PDE1C: variants seen among roughly 807,000 people sequenced by gnomAD.
PDE1C encodes the protein phosphodiesterase 1C.
Under a neutral mutation model 93.1 loss-of-function variants are expected in PDE1C, and 62 were observed. The observed-to-expected ratio is 0.67, with a 90% confidence interval of 0.54 to 0.82. The LOEUF (loss-of-function observed/expected upper bound fraction) is 0.82. Ranked by LOEUF, PDE1C falls within the 40% of genes least tolerant of loss-of-function variation. The pLI is 0.00. For missense variants in PDE1C, 742 were observed against 884.6 expected (o/e 0.84, Z 2.04); for synonymous variants, 325 against 310.1 (o/e 1.05, Z -0.50).
chr7:31,805,181 G>A (rs937811690), intron 16 of PDE1C, among the ~76,000 whole-genome samples: 2 of 151,648 alleles, frequency 1.3e-5, no homozygotes, highest in South Asian at 2.1e-4. Context: ...GGAACTGTGA[G>A]TCCATTAAAC....
chr7:32,126,178 T>C (rs1799566994), intron 3 of PDE1C, among the ~76,000 whole-genome samples: 1 of 151,236 alleles, frequency 6.6e-6, no homozygotes. Context: ...AACCAGTGAA[T>C]CACAGAAACC....
intron 2 of PDE1C, among the ~76,000 whole-genome samples, chr7:31,937,370 A>G (rs1437416046): frequency 1.3e-5 from 2 of 152,196 alleles, no homozygotes; most frequent in Admixed American, 6.5e-5. Context: ...TACCAGAGTC[A>G]GGTTGGAATT....
intron 16 of PDE1C, among the ~76,000 whole-genome samples, chr7:31,803,571 C>T (rs1040667276): frequency 7.9e-5 from 12 of 151,948 alleles, no homozygotes; most frequent in South Asian, 2.1e-4. Context: ...CAACAGTCCC[C>T]GGTGTGTGAT....
At chr7:32,212,945 C>T (rs1471735937) in intron 1 of PDE1C, among the ~76,000 whole-genome samples, 1 of 152,178 alleles carries the variant, frequency 6.6e-6, no homozygotes, top group East Asian at 1.9e-4. Context: ...GTCTGACAAG[C>T]TCCCAGGTGA....
rs1655401909 is a variant in PDE1C at position 31,816,132 on chromosome 7, T to C, written c.1605A>G (p.Ala535=). Residue 535 remains alanine, a synonymous_variant, in exon 15 of 18, where the codon GCA becomes GCG. Transcript: ENST00000396191. ...VPKEEKAKKE[A]EEKARLAAEE... ...CTGCGGCCAGGCGAGCCTTTTCCTCTGCTTCCTTCTTGGCCTTCTCCTCTG... is the reference window on the plus strand; with the variant it reads ...CTGCGGCCAGGCGAGCCTTTTCCTCCGCTTCCTTCTTGGCCTTCTCCTCTG... The C allele has an allele frequency of 1.9e-6, 3 of 1,613,802 alleles. No individual in the cohort carries two copies. The highest frequency in any genetic ancestry group is 2.2e-5 in the East Asian group (1 of 44,862).
chr7:32,389,739 C>T (rs970696776), intron 1 of PDE1C, among the ~76,000 whole-genome samples: 8 of 152,116 alleles, frequency 5.3e-5, no homozygotes, highest in African/African-American at 1.7e-4. Flanking sequence ...TAAGTAATGA[C>T]GACTTATCAG....
intron 1 of PDE1C, among the ~76,000 whole-genome samples, chr7:32,308,320 AC>A (rs1170991443): frequency 5.9e-5 from 9 of 152,240 alleles, no homozygotes; most frequent in African/African-American, 2.2e-4. Flanking sequence ...GCACAGACAA[AC>A]AAAAAGACAG....
At chr7:32,022,042 T>C (rs1272755864) in intron 2 of PDE1C, among the ~76,000 whole-genome samples, 1 of 152,056 alleles carries the variant, frequency 6.6e-6, no homozygotes, top group African/African-American at 2.4e-5. Flanking sequence ...TTAGGTTGCC[T>C]TAGGAACCTA....
rs1339189445 is a variant in PDE1C, at chr7:32,063,078, CTT to C, written c.101+7213_101+7214del. On this transcript the variant is annotated intron_variant, in intron 1 of 17. Coordinates refer to ENST00000396191, the MANE Select transcript of PDE1C (RefSeq NM_001191057.4). ...AATAAAAGCCTGAAGAATACCAACACTTTACACGAATTCAGTATACTTCCTCC... is the reference window on the plus strand; with the variant it reads ...AATAAAAGCCTGAAGAATACCAACACTACACGAATTCAGTATACTTCCTCC... Among the ~76,000 whole-genome samples the C allele has an allele frequency of 2.0e-5, 3 of 152,300 alleles. No individual in the cohort carries two copies. In the East Asian group the frequency reaches 5.8e-4, roughly 29 times the overall value.
chr7:32,197,299 T>C (rs768139363), intron 2 of PDE1C, among the ~76,000 whole-genome samples: 4 of 152,152 alleles, frequency 2.6e-5, no homozygotes, highest in Non-Finnish European at 4.4e-5. Flanking sequence ...AACCATACCA[T>C]GTGTAGAGGA....
chr7:31,662,003 T>C, the PDE1C span, among the ~76,000 whole-genome samples: 10 of 152,190 alleles, frequency 6.6e-5, no homozygotes, highest in Non-Finnish European at 1.5e-4. Context: ...GTTATGGTTA[T>C]TGGATTCATC....
At chr7:31,799,725 TCA>T (rs1785758247) in intron 16 of PDE1C, among the ~76,000 whole-genome samples, 1 of 151,724 alleles carries the variant, frequency 6.6e-6, no homozygotes, top group Non-Finnish European at 1.5e-5. Context: ...ACCCTTTTGA[TCA>T]CAGTTATTTG....
the PDE1C span, among the ~76,000 whole-genome samples, chr7:31,655,084 C>CTCT: frequency 6.6e-6 from 1 of 152,188 alleles, no homozygotes; most frequent in South Asian, 2.1e-4. Flanking sequence ...TGATTCCCAG[C>CTCT]TCTCTCCAGT....
rs116595583 is a variant in PDE1C, at chr7:32,381,844, C to T, written c.310+45978G>A. Among the ~76,000 whole-genome samples, 320 of 152,294 alleles carry T rather than the reference C, an allele frequency of 2.1e-3. 2 individuals are homozygous for T. Among genetic ancestry groups the T allele is most frequent in the African/African-American group, 7.3e-3 (303 of 41,560 alleles). On this transcript the variant is annotated intron_variant, in intron 1 of 1. Transcript: ENST00000672256. ...CCACCACTACCCCGCACTGGGATAT[C>T]GGCTCTCTGAGAGAAGAAAGTTTAT... is the stretch of plus-strand genomic sequence containing the variant.
At chr7:32,209,242 G>T (rs923018075) in intron 2 of PDE1C, among the ~76,000 whole-genome samples, 3 of 152,170 alleles carry the variant, frequency 2.0e-5, no homozygotes, top group African/African-American at 2.4e-5. Flanking sequence ...CTGCTCTGAG[G>T]ACCATACTTG....
chr7:31,836,675 G>A (rs1338314791), intron 11 of PDE1C, among the ~76,000 whole-genome samples: 1 of 152,142 alleles, frequency 6.6e-6, no homozygotes, highest in Non-Finnish European at 1.5e-5. Flanking sequence ...TGGAACTTAG[G>A]ATGGAGTGAA....
chr7:31,774,849 G>T (rs1004429584), intron 17 of PDE1C, among the ~76,000 whole-genome samples: 5 of 152,058 alleles, frequency 3.3e-5, no homozygotes, highest in Non-Finnish European at 7.4e-5. Context: ...AACCCTGAGT[G>T]GTAGCATTAT....
In PDE1C at chr7:32,330,473, G is replaced by T. The variant is rs1353598789; in HGVS notation, c.310+97349C>A. Reference sequence around the variant, plus strand: ...GACTGGGGAAAACATCAAATTAATTGATATCATCACAGAGTTATATTACTA... The same window carrying T: ...GACTGGGGAAAACATCAAATTAATTTATATCATCACAGAGTTATATTACTA... On this transcript the variant is annotated intron_variant, in intron 1 of 1. Transcript: ENST00000672256. Among the ~76,000 whole-genome samples the T allele has an allele frequency of 2.6e-5, 4 of 152,220 alleles. No individual in the cohort carries two copies. In the South Asian group the frequency reaches 8.3e-4, roughly 32 times the overall value.
chr7:32,384,947 C>T (rs1057458771), intron 1 of PDE1C, among the ~76,000 whole-genome samples: 22 of 152,080 alleles, frequency 1.4e-4, no homozygotes, highest in Non-Finnish European at 2.4e-4. Context: ...GTCACCCTAG[C>T]TAGTTTGGGG....
Sources: gnomAD v4.1 joint callset for allele counts (sites outside exome capture counted in the v4.1 genomes callset) on GRCh38, gnomAD v4.1.1 for gene constraint, MANE v1.5 for transcripts, NCBI Gene and HGNC (gene_info 2026-07-23, HGNC 2026-07-21) for gene names.